DDX17: variants seen among roughly 807,000 people sequenced by gnomAD.
DDX17 encodes the protein probable ATP-dependent RNA helicase DDX17.
A neutral mutation model predicts 80.8 loss-of-function variants in DDX17; 10 were observed. The ratio of observed to expected loss-of-function variants is 0.12; its 90% CI spans 0.08 to 0.21. The LOEUF is 0.21. DDX17 is among the 10% of genes least tolerant of loss of function. DDX17 has a pLI of 1.00. For synonymous variants in DDX17, 339 were observed against 336.2 expected, an observed-to-expected ratio of 1.01 and a Z score of -0.09; for missense variants, 586 against 957.4, an observed-to-expected ratio of 0.61 and a Z score of 5.12.
At chr22:38,504,924 G>C (rs914126587) in intron 1 of DDX17, among the ~76,000 whole-genome samples, 1 of 151,920 alleles carries the variant, frequency 6.6e-6, no homozygotes, top group Non-Finnish European at 1.5e-5. Context: ...CGGGGGGGTC[G>C]GGGGAGACGG....
intron 11 of DDX17, chr22:38,490,055 G>A: frequency 9.4e-7 from 1 of 1,069,286 alleles, no homozygotes; most frequent in South Asian, 2.7e-5. Context: ...GCTCAATAGA[G>A]GGCAGACATG....
At chr22:38,505,246 G>A (rs535670063) in intron 1 of DDX17, 1 of 152,282 alleles carries the variant, frequency 6.6e-6, no homozygotes, top group Admixed American at 6.5e-5. Flanking sequence ...CAGAATAGTT[G>A]ACGCTGCAGT....
rs896642309 is a variant in DDX17, at chr22:38,501,030, A to T, written c.438+100T>A. The T allele has an allele frequency of 7.7e-6, 11 of 1,436,262 alleles. No individual in the cohort carries two copies. The Admixed American group carries it at 1.3e-4, about 17-fold the overall frequency. 89.0% of individuals were successfully genotyped at this position (1,436,262 alleles called of 1,614,324 possible). A position where few individuals can be genotyped will look rare whatever the true frequency, so the allele number is the denominator to read the frequency against. On this transcript the variant is annotated intron_variant, in intron 2 of 12. Coordinates refer to ENST00000403230, the MANE Select transcript of DDX17 (RefSeq NM_006386.5). ...TTTAAGAAAAATATCACCACACTAG[A>T]ATAAAATGTAAAACGGCAACAGTAG... is the stretch of plus-strand genomic sequence containing the variant.
intron 1 of DDX17, among the ~76,000 whole-genome samples, chr22:38,504,266 T>C (rs1602688110): frequency 6.6e-6 from 1 of 152,244 alleles, no homozygotes; most frequent in East Asian, 1.9e-4. Context: ...TTATCCACAT[T>C]AATCCAAGTT....
In DDX17 at chr22:38,501,268, T is replaced by G; in HGVS notation, c.300A>C (p.Arg100Ser). 6.2e-7 allele frequency: 1 copy of G among 1,608,218 alleles called. No homozygotes were observed. Among genetic ancestry groups the G allele is most frequent in the South Asian group, 1.1e-5 (1 of 90,252 alleles). ...TCTTCGGGGGAAGGCCACCACCACC[T>G]CTTGCTCCAAATCTAGGAACAGAAT... Residue 100 changes from arginine to serine, a missense_variant, in exon 2 of 13, where the codon AGA becomes AGC. Arg to Ser is a moderately radical substitution (Grantham distance 110). Transcript: ENST00000403230.
chr22:38,498,472 T>C lies in DDX17; in HGVS notation c.640A>G (p.Ile214Val). The change falls in exon 4 of 13, where the codon ATT (isoleucine) becomes GTT (valine). Residue 214 changes from isoleucine to valine, a missense_variant. By Grantham distance (29) the Ile-to-Val change is conservative. Transcript: ENST00000403230. ...GTCTTCCCAGAGCCAGTCTGAGCAA[T>C]GCCCACCATATCCCGGCCACTAAGA... 1 of 1,614,180 alleles carries C rather than the reference T, an allele frequency of 6.2e-7. No individual in the cohort carries two copies. Among genetic ancestry groups the C allele is most frequent in the Non-Finnish European group, 8.5e-7 (1 of 1,180,028 alleles).
At chr22:38,492,462 C>T (rs1240907062) in intron 10 of DDX17, among the ~76,000 whole-genome samples, 1 of 152,054 alleles carries the variant, frequency 6.6e-6, no homozygotes, top group Non-Finnish European at 1.5e-5. Flanking sequence ...TGAATTTCCC[C>T]CCAAAAGGTA....
Position 38,488,008 on chromosome 22 carries a change from A to AGG in DDX17, c.1553_1554dup (p.Tyr519ProfsTer10). The AGG allele has an allele frequency of 6.2e-7, 1 of 1,614,232 alleles. No individual in the cohort carries two copies. Among genetic ancestry groups the AGG allele is most frequent in the Non-Finnish European group, 8.5e-7 (1 of 1,180,044 alleles). Reference sequence around the variant, plus strand: ...AGGTTCCCTGGGGTGAAGAAGGTATAGGCGGTACCCTTGTTGGTGCTACGG... The same window carrying AGG: ...AGGTTCCCTGGGGTGAAGAAGGTATAGGGGCGGTACCCTTGTTGGTGCTACGG... On this transcript the variant is annotated frameshift_variant, in exon 12 of 13. Coordinates refer to ENST00000403230, the MANE Select transcript of DDX17 (RefSeq NM_006386.5). LOFTEE classifies it high-confidence loss of function.
chr22:38,500,267 T>C (rs867828976), intron 2 of DDX17, among the ~76,000 whole-genome samples: 2 of 151,968 alleles, frequency 1.3e-5, no homozygotes, highest in Admixed American at 6.5e-5. Context: ...ATAAACAGAT[T>C]AGTAAGCATT....
chr22:38,483,871 G>A lies in DDX17; in HGVS notation c.*2064C>T, dbSNP rs1393566740. ...GAGGCAGAAGAGTTAAACTCTGCTA[G>A]ATTTCAGCTGTGCTCAGGCCATAAT... On this transcript the variant is annotated 3_prime_UTR_variant, in exon 13 of 13. Transcript: ENST00000403230. 1.3e-5 allele frequency: 2 copies of A among 152,188 alleles called. No individual in the cohort carries two copies. Among genetic ancestry groups the A allele is most frequent in the Non-Finnish European group, 2.9e-5 (2 of 68,042 alleles). The allele number at this position is 152,188 out of a possible 1,614,324, so 9.4% of individuals were successfully genotyped here. A position where few individuals can be genotyped will look rare whatever the true frequency, so the allele number is the denominator to read the frequency against.
Position 38,489,253 on chromosome 22 carries a change from G to A in DDX17, c.1448-1138C>T, listed in dbSNP as rs1399346614. 1.0e-6 allele frequency: 1 copy of A among 985,726 alleles called. No individual in the cohort carries two copies. The allele number at this position is 985,726 out of a possible 1,614,324, so 61.1% of individuals were successfully genotyped here. ...CGATGCACACTCCCTCCTCCTTTGG[G>A]AAACCGCTGCAGCCGATCCCGTCTC... On this transcript the variant is annotated intron_variant, in intron 11 of 12. Coordinates refer to ENST00000403230, the MANE Select transcript of DDX17 (RefSeq NM_006386.5). The surrounding 1 kb of genome is among the most constrained non-coding windows in gnomAD (Gnocchi z 4.6).
chr22:38,504,172 C>T (rs1213156690), intron 1 of DDX17, among the ~76,000 whole-genome samples: 1 of 152,174 alleles, frequency 6.6e-6, no homozygotes, highest in Non-Finnish European at 1.5e-5. Context: ...GTTAACCACT[C>T]CCTTTCCTAT....
chr22:38,490,421 G>A, intron 11 of DDX17: 19 of 1,289,368 alleles, frequency 1.5e-5, no homozygotes, highest in Non-Finnish European at 1.9e-5. Context: ...GTGATCTGCA[G>A]CTGATATCAA....
intron 1 of DDX17, among the ~76,000 whole-genome samples, chr22:38,503,312 T>TCATTGTTATTGCCACATTG (rs1394265197): frequency 6.6e-6 from 1 of 152,216 alleles, no homozygotes; most frequent in Non-Finnish European, 1.5e-5. Flanking sequence ...ATAAAAGACT[T>TCATTGTTATTGCCACATTG]CATTGTTATT....
chr22:38,497,384 G>A (rs1265615641), intron 5 of DDX17, among the ~76,000 whole-genome samples: 3 of 147,650 alleles, frequency 2.0e-5, no homozygotes, highest in Admixed American at 6.8e-5. Flanking sequence ...TGGGGAGGCC[G>A]AGGCAGGCAG....
At chr22:38,504,463 T>G (rs547368784) in intron 1 of DDX17, among the ~76,000 whole-genome samples, 11 of 152,190 alleles carry the variant, frequency 7.2e-5, no homozygotes, top group African/African-American at 1.2e-4. Flanking sequence ...TAGGGAGGAA[T>G]TGCTGGGTCG....
At chr22:38,495,119 G>A in intron 6 of DDX17, 73 bp from the exon 7 acceptor site, 1 of 1,478,008 alleles carries the variant, frequency 6.8e-7, no homozygotes, top group Non-Finnish European at 9.1e-7. Context: ...AGCACTTTGG[G>A]AAGAGGAGGC....
rs1394907580 is a variant in DDX17 at position 38,506,125 on chromosome 22, G to C, written c.113C>G (p.Ala38Gly). The C allele has an allele frequency of 3.2e-6, 5 of 1,577,992 alleles. No homozygotes were observed. In the Admixed American group the frequency reaches 7.5e-5, roughly 24 times the overall value. ...CGCTGTTGGGGCGGCGGCAGGCGCA[G>C]CGCTCTCTCGCTCCGACGCGCTGTC... Residue 38 changes from alanine to glycine, a missense_variant, in exon 1 of 13, where the codon GCT becomes GGT. Ala to Gly is a moderately conservative substitution (Grantham distance 60). Transcript: ENST00000403230.
chr22:38,488,304 T>A, intron 11 of DDX17, 189 bp from the exon 12 acceptor site: 1 of 1,482,714 alleles, frequency 6.7e-7, no homozygotes. Flanking sequence ...GATTACTGAT[T>A]CCTGGGACAT....
Sources: allele counts gnomAD v4.1 joint callset (sites outside exome capture counted in the v4.1 genomes callset), GRCh38; gene constraint gnomAD v4.1.1; non-coding constraint Gnocchi (gnomAD v3.1); transcripts MANE v1.5; gene names NCBI Gene and HGNC (gene_info 2026-07-23, HGNC 2026-07-21).